The following PPFIA1 variants were observed in gnomAD, a reference collection of about 807,000 sequenced individuals.
PPFIA1 encodes PPFI scaffold protein A1.
PPFIA1 carries 25 observed loss-of-function variants against 149.9 expected under a neutral mutation model. That is an observed-to-expected ratio of 0.17 (90% CI 0.12 to 0.23). PPFIA1 has a LOEUF of 0.23. Among genes scored for constraint, PPFIA1 ranks in the 10% least tolerant of loss-of-function variants. The pLI, the probability that PPFIA1 is intolerant of heterozygous loss-of-function variation, is 1.00. For synonymous variants in PPFIA1, 549 were observed against 552.8 expected, an observed-to-expected ratio of 0.99 and a Z score of 0.10; for missense variants, 1,362 against 1,506.5, an observed-to-expected ratio of 0.90 and a Z score of 1.59.
In PPFIA1 at chr11:70,322,701, A is replaced by T. The variant is rs1382864962; in HGVS notation, c.265-1701A>T. On this transcript the variant is annotated intron_variant, in intron 2 of 27. Coordinates refer to ENST00000253925, the MANE Select transcript of PPFIA1 (RefSeq NM_003626.5). ...AGGAGCAGCCTTGTCTCCAAAACTC[A>T]CTGTATAATATGTTTATAATGTCTA... 2.6e-5 allele frequency among the ~76,000 whole-genome samples: 4 copies of T among 152,186 alleles called. No individual in the cohort carries two copies. In the South Asian group the frequency reaches 6.2e-4, roughly 24 times the overall value.
In PPFIA1 at chr11:70,356,176, C is replaced by A; in HGVS notation, c.2504C>A (p.Thr835Lys). The A allele has an allele frequency of 6.2e-7, 1 of 1,613,836 alleles. No homozygotes were observed. The highest frequency in any genetic ancestry group is 1.7e-5 in the Admixed American group (1 of 60,004). Residue 835 changes from threonine to lysine, a missense_variant, in exon 19 of 28, where the codon ACG becomes AAG. Physicochemically the swap from Thr to Lys is moderately conservative, Grantham distance 78. Around this residue, in one of 7 missense-constraint regions of PPFIA1, gnomAD observed 91 missense variants for 91.2 expected, o/e 1.00. Transcript: ENST00000253925. ...EALGQAGVSE[T>K]DNSSQDALGL... ...TTCCTCACAGCTGGTGTTTCCGAGA[C>A]GGATAACTCATCTCAGGATGCCTTG...
intron 2 of PPFIA1, among the ~76,000 whole-genome samples, chr11:70,295,457 G>A (rs1175667183): frequency 3.4e-5 from 5 of 145,752 alleles, no homozygotes; most frequent in East Asian, 2.1e-4. Context: ...AGGGGCAGCC[G>A]GGCAGAGGCG....
intron 21 of PPFIA1, among the ~76,000 whole-genome samples, chr11:70,370,883 G>A (rs954785170): frequency 1.3e-5 from 2 of 152,006 alleles, no homozygotes; most frequent in South Asian, 2.1e-4. Flanking sequence ...TAATCCTAGC[G>A]GTTTGGGAGG....
intron 2 of PPFIA1, among the ~76,000 whole-genome samples, chr11:70,275,990 C>G (rs1318177026): frequency 6.6e-6 from 1 of 152,174 alleles, no homozygotes; most frequent in Non-Finnish European, 1.5e-5. Flanking sequence ...TTCTCCTCTT[C>G]TTAGTTTGCC....
intron 21 of PPFIA1, among the ~76,000 whole-genome samples, chr11:70,368,121 G>A (rs2057046882): frequency 6.6e-6 from 1 of 152,210 alleles, no homozygotes; most frequent in Non-Finnish European, 1.5e-5. Context: ...CTGGGTGACA[G>A]AGCGAGACCC....
At chr11:70,272,000 C>T (rs960174308) in intron 1 of PPFIA1, 173 bp from the exon 2 acceptor site, 4 of 740,460 alleles carry the variant, frequency 5.4e-6, no homozygotes, top group African/African-American at 3.5e-5. Flanking sequence ...TGTATTTTTG[C>T]ACTTAATATT....
intron 16 of PPFIA1, chr11:70,349,813 G>A (rs1213173036): frequency 2.3e-6 from 1 of 434,104 alleles, no homozygotes. Flanking sequence ...AAACAGTTGT[G>A]TATGTATATA....
chr11:70,369,949 C>CT (rs36102876), intron 21 of PPFIA1, among the ~76,000 whole-genome samples: 4,131 of 145,728 alleles, frequency 0.028, 92 homozygotes, highest in Non-Finnish European at 0.039. Flanking sequence ...CTCTTTTACT[C>CT]TTTTTTTTTT....
At chr11:70,310,202 T>C (rs2053164591) in intron 2 of PPFIA1, among the ~76,000 whole-genome samples, 1 of 152,132 alleles carries the variant, frequency 6.6e-6, no homozygotes, top group Admixed American at 6.5e-5. Flanking sequence ...AAATTGTGTT[T>C]ATTATAAAGT....
chr11:70,366,291 T>C (rs2056932471), intron 21 of PPFIA1, among the ~76,000 whole-genome samples: 1 of 152,240 alleles, frequency 6.6e-6, no homozygotes, highest in Non-Finnish European at 1.5e-5. Flanking sequence ...AATTTCCTGG[T>C]AGGGTAATGT....
intron 25 of PPFIA1, among the ~76,000 whole-genome samples, chr11:70,376,967 G>A (rs2057517635): frequency 6.6e-6 from 1 of 151,996 alleles, no homozygotes; most frequent in African/African-American, 2.4e-5. Context: ...CAGCTACTTG[G>A]GAGGCTGAGG....
chr11:70,316,910 G>A (rs2053665519), intron 2 of PPFIA1, among the ~76,000 whole-genome samples: 2 of 152,168 alleles, frequency 1.3e-5, no homozygotes, highest in Non-Finnish European at 2.9e-5. Flanking sequence ...ATAAACATCA[G>A]CATTATCAGG....
chr11:70,329,740 C>T (rs960811633), intron 7 of PPFIA1, among the ~76,000 whole-genome samples: 4 of 152,200 alleles, frequency 2.6e-5, no homozygotes, highest in East Asian at 1.9e-4. Flanking sequence ...CCAGCCTGGG[C>T]GATATAGTAA....
At chr11:70,353,433 G>A (rs2056184431) in intron 16 of PPFIA1, among the ~76,000 whole-genome samples, 1 of 152,156 alleles carries the variant, frequency 6.6e-6, no homozygotes, top group Admixed American at 6.5e-5. Context: ...GCTGTTTATA[G>A]TAATGCTTGC....
At chr11:70,371,134 G>A (rs1030970994) in intron 21 of PPFIA1, among the ~76,000 whole-genome samples, 1 of 152,076 alleles carries the variant, frequency 6.6e-6, no homozygotes, top group South Asian at 2.1e-4. Flanking sequence ...ATTTCCCCTT[G>A]TAATTTCTTG....
chr11:70,283,931 G>T (rs769237643), intron 2 of PPFIA1: 1 of 495,776 alleles, frequency 2.0e-6, no homozygotes, highest in Non-Finnish European at 4.2e-6. Context: ...GAAGTGTCCA[G>T]GTTTAGGTAT....
intron 19 of PPFIA1, among the ~76,000 whole-genome samples, chr11:70,357,243 A>C (rs945927918): frequency 1.3e-5 from 2 of 152,134 alleles, no homozygotes; most frequent in African/African-American, 4.8e-5. Flanking sequence ...CTGTGGGAAA[A>C]ATCATCTGGC....
intron 27 of PPFIA1, among the ~76,000 whole-genome samples, chr11:70,382,378 A>G (rs2057745697): frequency 6.6e-6 from 1 of 152,090 alleles, no homozygotes; most frequent in Non-Finnish European, 1.5e-5. Context: ...TAAGGAAAAA[A>G]ATGTATTTTC....
chr11:70,280,638 G>A (rs2050702391), intron 2 of PPFIA1, among the ~76,000 whole-genome samples: 1 of 152,190 alleles, frequency 6.6e-6, no homozygotes, highest in South Asian at 2.1e-4. Context: ...CGTGATCACT[G>A]TTCACTGCAG....
Sources: allele counts gnomAD v4.1 joint callset (sites outside exome capture counted in the v4.1 genomes callset), GRCh38; gene constraint gnomAD v4.1.1; regional missense constraint gnomAD v4.1.1; transcripts MANE v1.5; gene names NCBI Gene and HGNC (gene_info 2026-07-23, HGNC 2026-07-21).